RTKN: variants seen among roughly 807,000 people sequenced by gnomAD.
The protein encoded by RTKN is rhotekin.
In RTKN, 49 loss-of-function variants were observed where a neutral mutation model predicts 63.5. That is an observed-to-expected ratio of 0.77 (90% confidence interval 0.61 to 0.98). RTKN has a LOEUF of 0.98. RTKN is among the 50% of genes least tolerant of loss of function. The pLI is 0.00. For synonymous variants in RTKN, 295 were observed against 290.4 expected (o/e 1.02, Z -0.16); for missense variants, 685 against 740.8 (o/e 0.92, Z 0.87).
chr2:74,433,491 ATT>A lies in RTKN; in HGVS notation c.112-827_112-826del, dbSNP rs34033427. Among the ~76,000 whole-genome samples the A allele has an allele frequency of 2.1e-3, 294 of 142,302 alleles. 1 individual carries two copies. Among genetic ancestry groups the A allele is most frequent in the Non-Finnish European group, 3.6e-3 (235 of 64,834 alleles). The allele number at this position is 142,302 out of a possible 152,430, so 93.4% of individuals were successfully genotyped here. A position where few individuals can be genotyped will look rare whatever the true frequency, so the allele number is the denominator to read the frequency against. Reference sequence around the variant, plus strand: ...TACATACAAAAATATTCAGTGCGGCATTTTTTTTTTTTTTTGAGACGGAGTCT... The same window carrying A: ...TACATACAAAAATATTCAGTGCGGCATTTTTTTTTTTTTGAGACGGAGTCT... On this transcript the variant is annotated intron_variant, in intron 1 of 11. Transcript: ENST00000272430.
Position 74,429,837 on chromosome 2 carries a change from G to A in RTKN, c.746C>T (p.Pro249Leu). 7 of 1,613,652 alleles carry A rather than the reference G, an allele frequency of 4.3e-6. No individual in the cohort carries two copies. The highest frequency in any genetic ancestry group is 5.1e-6 in the Non-Finnish European group (6 of 1,179,848). The change falls in exon 6 of 12, where the codon CCA becomes CTA. Residue 249 changes from proline to leucine, a missense_variant. Coordinates refer to ENST00000272430, the MANE Select transcript of RTKN (RefSeq NM_001015055.2). ...SGSSPILLPT[P>L]VVGGPRYHLL... ...GTGTGCAAGGCCTTACCCAACAACT[G>A]GGGTGGGGAGCAAGATGGGACTGCT...
chr2:74,435,971 T>A (rs1309475163), intron 1 of RTKN, among the ~76,000 whole-genome samples: 3 of 152,168 alleles, frequency 2.0e-5, no homozygotes, highest in African/African-American at 7.2e-5. Context: ...AAGCCAACCC[T>A]TTCCCAAAGC....
At chr2:74,439,928 C>G in intron 1 of RTKN, 2 of 1,217,866 alleles carry the variant, frequency 1.6e-6, no homozygotes, top group Non-Finnish European at 2.1e-6. Context: ...GCAGAGGGGG[C>G]TCTAGGCACA....
At chr2:74,428,081 TG>T in intron 9 of RTKN, 186 bp downstream of exon 9, 1 of 687,934 alleles carries the variant, frequency 1.5e-6, no homozygotes, top group Non-Finnish European at 2.4e-6. Context: ...GGCAAGTGAA[TG>T]GGACGATCCT....
chr2:74,428,579 A>C, intron 8 of RTKN, 52 bp downstream of exon 8: 1 of 1,557,448 alleles, frequency 6.4e-7, no homozygotes, highest in East Asian at 2.3e-5. Flanking sequence ...CTGGTTATCC[A>C]GCTCTCCTCT....
At chr2:74,440,551 T>C in intron 1 of RTKN, 1 of 985,992 alleles carries the variant, frequency 1.0e-6, no homozygotes, top group Non-Finnish European at 1.2e-6. Flanking sequence ...CGCCAGGCCC[T>C]GCGGCTCCGC....
At position 74,436,935 on chromosome 2, in the gene RTKN, C is replaced by G. The variant is rs577888188; in HGVS notation, c.112-4269G>C. Among the ~76,000 whole-genome samples, 1 of 152,274 alleles carries G rather than the reference C, an allele frequency of 6.6e-6. No homozygotes were observed. The highest frequency in any genetic ancestry group is 2.4e-5 in the African/African-American group (1 of 41,550). ...GGGCAGCATTTCCCCTGGGAAAGAGCGCAGAGCTGGGTGTCAGCTGGACCC... is the reference window on the plus strand; with the variant it reads ...GGGCAGCATTTCCCCTGGGAAAGAGGGCAGAGCTGGGTGTCAGCTGGACCC... On this transcript the variant is annotated intron_variant, in intron 1 of 11. Transcript: ENST00000272430. This position sits in a 1 kb window ranked among gnomAD's most constrained non-coding sequence, Gnocchi z 4.3.
chr2:74,438,561 A>C (rs1441540181), intron 1 of RTKN, among the ~76,000 whole-genome samples: 1 of 152,200 alleles, frequency 6.6e-6, no homozygotes, highest in Non-Finnish European at 1.5e-5. Context: ...CATCACACTT[A>C]AGGTGAAATC....
At position 74,427,293 on chromosome 2, in the gene RTKN, TAA is replaced by T. The variant is rs779605866; in HGVS notation, c.1256-22_1256-21del. 2.5e-6 allele frequency: 4 copies of T among 1,612,382 alleles called. No homozygotes were observed. Among genetic ancestry groups the T allele is most frequent in the Non-Finnish European group, 3.4e-6 (4 of 1,178,468 alleles). On this transcript the variant is annotated intron_variant, in intron 10 of 11. Coordinates refer to ENST00000272430, the MANE Select transcript of RTKN (RefSeq NM_001015055.2). The stretch of plus-strand genomic sequence containing the variant: ...ATTGGCCTGGAAGAAGAGCGCTGAT[TAA>T]AAGAGAGAGCCAGGCTGCCCTTTCT...
chr2:74,428,485 C>T (rs1354869409), intron 8 of RTKN, 89 bp from the exon 9 acceptor site: 2 of 1,605,220 alleles, frequency 1.2e-6, no homozygotes, highest in Admixed American at 1.7e-5. Context: ...TCGTTTTGTC[C>T]ACCCTGCTGT....
rs778517766 is a variant in RTKN, at chr2:74,432,299, G to C, written c.311+168C>G. The C allele has an allele frequency of 9.0e-5, 68 of 758,588 alleles. 1 individual carries two copies. Among genetic ancestry groups the C allele is most frequent in the Middle Eastern group, 6.7e-4 (3 of 4,452 alleles). 47.0% of individuals were successfully genotyped at this position (758,588 alleles called of 1,614,324 possible). On this transcript the variant is annotated intron_variant, in intron 2 of 11. Transcript: ENST00000272430. ...CTGGCTACTCACAAATGCGCCTCTG[G>C]GCAACACACAGTGGTGGTAAAACAC...
rs994332767 is a variant in RTKN, at chr2:74,436,701, C to T, written c.112-4035G>A. 1.3e-5 allele frequency among the ~76,000 whole-genome samples: 2 copies of T among 152,110 alleles called. No individual in the cohort carries two copies. The highest frequency in any genetic ancestry group is 4.8e-5 in the African/African-American group (2 of 41,412). On this transcript the variant is annotated intron_variant, in intron 1 of 11. Transcript: ENST00000272430. This position sits in a 1 kb window ranked among gnomAD's most constrained non-coding sequence, Gnocchi z 4.3. Reference sequence around the variant, plus strand: ...AGTGGGACCACGAGTCCAGACACCTCCTCTATTTCCCTACTGATCTCCAGC... The same window carrying T: ...AGTGGGACCACGAGTCCAGACACCTTCTCTATTTCCCTACTGATCTCCAGC...
At position 74,436,699 on chromosome 2, in the gene RTKN, C is replaced by T. The variant is rs1671081202; in HGVS notation, c.112-4033G>A. ...TGAGTGGGACCACGAGTCCAGACAC[C>T]TCCTCTATTTCCCTACTGATCTCCA... On this transcript the variant is annotated intron_variant, in intron 1 of 11. Transcript: ENST00000272430. This position sits in a 1 kb window ranked among gnomAD's most constrained non-coding sequence, Gnocchi z 4.3. Among the ~76,000 whole-genome samples the T allele has an allele frequency of 6.6e-6, 1 of 152,122 alleles. No individual in the cohort carries two copies. The highest frequency in any genetic ancestry group is 2.4e-5 in the African/African-American group (1 of 41,420).
rs2103915318 is a variant in RTKN at position 74,436,338 on chromosome 2, T to A, written c.112-3672A>T. 1.3e-5 allele frequency among the ~76,000 whole-genome samples: 2 copies of A among 152,302 alleles called. No homozygotes were observed. The highest frequency in any genetic ancestry group is 3.9e-4 in the East Asian group (2 of 5,164). On this transcript the variant is annotated intron_variant, in intron 1 of 11. Coordinates refer to ENST00000272430, the MANE Select transcript of RTKN (RefSeq NM_001015055.2). This position sits in a 1 kb window ranked among gnomAD's most constrained non-coding sequence, Gnocchi z 4.3. ...CCAGCATAGCTGCACCGCCTCCAGC[T>A]GCAGCGCTCAGGACGCCGGTGACAT...
At chr2:74,432,692 G>C in intron 1 of RTKN, 26 bp from the exon 2 acceptor site, 2 of 1,609,676 alleles carry the variant, frequency 1.2e-6, no homozygotes, top group Non-Finnish European at 1.7e-6. Context: ...GGAAGGGTGA[G>C]AAGGAAATGT....
chr2:74,439,996 C>T, intron 1 of RTKN: 1 of 1,076,454 alleles, frequency 9.3e-7, no homozygotes, highest in Non-Finnish European at 1.1e-6. Flanking sequence ...GAAAAAGGCC[C>T]TTTCATTCCG....
chr2:74,441,250 T>A (rs1390428002), intron 1 of RTKN, among the ~76,000 whole-genome samples: 1 of 152,162 alleles, frequency 6.6e-6, no homozygotes, highest in Non-Finnish European at 1.5e-5. Flanking sequence ...GGCCCCGGCC[T>A]AAAGTCGGGG....
chr2:74,427,099 T>A, intron 11 of RTKN, 70 bp downstream of exon 11: 1 of 1,551,698 alleles, frequency 6.4e-7, no homozygotes, highest in Non-Finnish European at 8.8e-7. Context: ...GTTTCCATTA[T>A]CTGGTTTCTC....
Position 74,428,949 on chromosome 2 carries a change from G to A in RTKN, c.756-7C>T, listed in dbSNP as rs1332047043. On this transcript the variant is annotated splice_polypyrimidine_tract_variant and splice_region_variant and intron_variant, in intron 6 of 11. Coordinates refer to ENST00000272430, the MANE Select transcript of RTKN (RefSeq NM_001015055.2). ...GAGGTGGTAACGAGGACCACTGAGGGAGATAGGAGAGAGCATCAGCCAAGG... is the reference window on the plus strand; with the variant it reads ...GAGGTGGTAACGAGGACCACTGAGGAAGATAGGAGAGAGCATCAGCCAAGG... 3.1e-6 allele frequency: 5 copies of A among 1,610,962 alleles called. No homozygotes were observed. Among genetic ancestry groups the A allele is most frequent in the Middle Eastern group, 1.7e-4 (1 of 5,978 alleles).
Sources: allele counts gnomAD v4.1 joint callset (sites outside exome capture counted in the v4.1 genomes callset), GRCh38; gene constraint gnomAD v4.1.1; non-coding constraint Gnocchi (gnomAD v3.1); transcripts MANE v1.5; gene names NCBI Gene and HGNC (gene_info 2026-07-23, HGNC 2026-07-21).